The following SPATA16 variants were observed in gnomAD, a reference collection of about 807,000 sequenced individuals.
SPATA16 encodes spermatogenesis-associated protein 16.
A neutral mutation model predicts 63.3 loss-of-function variants in SPATA16; 36 were observed. That is an observed-to-expected ratio of 0.57 (90% CI 0.44 to 0.75). The LOEUF (loss-of-function observed/expected upper bound fraction) is 0.75. SPATA16 is among the 30% of genes least tolerant of loss of function. SPATA16 has a pLI of 0.00. For missense variants in SPATA16, 646 were observed against 679.3 expected (o/e 0.95, Z 0.54); for synonymous variants, 203 against 216.7 (o/e 0.94, Z 0.56).
At chr3:173,001,501 C>A (rs759358962) in intron 4 of SPATA16, among the ~76,000 whole-genome samples, 3 of 152,132 alleles carry the variant, frequency 2.0e-5, no homozygotes, top group Non-Finnish European at 4.4e-5. Flanking sequence ...TTATTCTGAT[C>A]TTTACCGTAA....
chr3:173,014,448 G>T (rs962304007), intron 4 of SPATA16, among the ~76,000 whole-genome samples: 2 of 152,200 alleles, frequency 1.3e-5, no homozygotes, highest in East Asian at 3.8e-4. Flanking sequence ...GGGAGAGAGG[G>T]AGGGGCGTAA....
chr3:173,097,071 T>C (rs1737376848), intron 2 of SPATA16, among the ~76,000 whole-genome samples: 1 of 152,134 alleles, frequency 6.6e-6, no homozygotes, highest in Admixed American at 6.6e-5. Context: ...TAAACATTTA[T>C]AAATTTTAAA....
At chr3:172,947,238 A>G (rs899456757) in intron 6 of SPATA16, among the ~76,000 whole-genome samples, 18 of 152,352 alleles carry the variant, frequency 1.2e-4, no homozygotes, top group African/African-American at 3.4e-4. Context: ...CCCAGAAAGG[A>G]TAGGTACAAA....
intron 2 of SPATA16, among the ~76,000 whole-genome samples, chr3:173,082,258 G>GAACAAA (rs1736941027): frequency 2.0e-5 from 3 of 152,156 alleles, no homozygotes; most frequent in African/African-American, 7.2e-5. Flanking sequence ...ATTAAACAAA[G>GAACAAA]TATGTTCTAT....
intron 3 of SPATA16, among the ~76,000 whole-genome samples, chr3:173,027,388 G>GC (rs1463719577): frequency 6.6e-6 from 1 of 151,742 alleles, no homozygotes; most frequent in African/African-American, 2.4e-5. Flanking sequence ...TTTCTTTCCA[G>GC]CCTATAACAT....
At chr3:173,024,166 T>A (rs928402094) in intron 3 of SPATA16, among the ~76,000 whole-genome samples, 14 of 151,734 alleles carry the variant, frequency 9.2e-5, no homozygotes, top group African/African-American at 3.4e-4. Context: ...CATGTATTTT[T>A]AAAAATATTT....
At position 173,108,894 on chromosome 3, in the gene SPATA16, A is replaced by G. The variant is rs933847733; in HGVS notation, c.612+8226T>C. On this transcript the variant is annotated intron_variant, in intron 2 of 10. Coordinates refer to ENST00000351008, the MANE Select transcript of SPATA16 (RefSeq NM_031955.6). ...GTATAGCCTAGGTGTGTAGTTGACT[A>G]TGCCATCTACGCTAGTGTAAGTGCA... Among the ~76,000 whole-genome samples, 8 of 152,204 alleles carry G rather than the reference A, an allele frequency of 5.3e-5. No homozygotes were observed. The East Asian group carries it at 1.2e-3, about 22-fold the overall frequency.
chr3:173,065,710 G>A (rs1192108328), intron 2 of SPATA16, among the ~76,000 whole-genome samples: 2 of 152,192 alleles, frequency 1.3e-5, no homozygotes, highest in Non-Finnish European at 2.9e-5. Flanking sequence ...GGAAAGTAAA[G>A]TGAGTGTGGG....
Position 172,932,781 on chromosome 3 carries a change from T to C in SPATA16, c.1082-7289A>G, listed in dbSNP as rs138945286. ...AGTCATATGTATACTATATAGATAATAAATTGTACAATAAATTATATTTCC... is the reference window on the plus strand; with the variant it reads ...AGTCATATGTATACTATATAGATAACAAATTGTACAATAAATTATATTTCC... On this transcript the variant is annotated intron_variant, in intron 6 of 10. Coordinates refer to ENST00000351008, the MANE Select transcript of SPATA16 (RefSeq NM_031955.6). 4.8e-4 allele frequency among the ~76,000 whole-genome samples: 73 copies of C among 152,256 alleles called. No individual in the cohort carries two copies. In the Middle Eastern group the frequency reaches 0.02, roughly 43 times the overall value.
intron 4 of SPATA16, among the ~76,000 whole-genome samples, chr3:172,981,505 C>T (rs553993215): frequency 2.6e-5 from 4 of 152,104 alleles, no homozygotes; most frequent in Non-Finnish European, 5.9e-5. Flanking sequence ...TCCTGCTGTC[C>T]CTCACAAAGA....
intron 4 of SPATA16, among the ~76,000 whole-genome samples, chr3:173,004,626 A>G (rs1734899232): frequency 6.6e-6 from 1 of 152,012 alleles, no homozygotes; most frequent in Non-Finnish European, 1.5e-5. Flanking sequence ...TACTCAACTC[A>G]TTTGGGTTTC....
rs1392301390 is a variant in SPATA16, at chr3:172,926,904, C to G, written c.1082-1412G>C. On this transcript the variant is annotated intron_variant, in intron 6 of 10. Transcript: ENST00000351008. ...GGTAAGCCCTCTTCGTTTAACACTG[C>G]CAGAAAGGGGGAAAGGCAAAATCCC... Among the ~76,000 whole-genome samples the G allele has an allele frequency of 2.0e-5, 3 of 152,226 alleles. No homozygotes were observed. In the East Asian group the frequency reaches 5.8e-4, roughly 29 times the overall value.
intron 2 of SPATA16, among the ~76,000 whole-genome samples, chr3:173,066,109 A>G (rs1736514563): frequency 6.6e-6 from 1 of 152,160 alleles, no homozygotes; most frequent in African/African-American, 2.4e-5. Context: ...ACTGTGCCTC[A>G]CAATTTCGAT....
chr3:173,009,211 A>C (rs998001507), intron 4 of SPATA16, among the ~76,000 whole-genome samples: 1 of 152,230 alleles, frequency 6.6e-6, no homozygotes. Context: ...GAGAGAAAAC[A>C]CTAAGCTCTT....
At chr3:173,022,171 T>C (rs1735347641) in intron 3 of SPATA16, among the ~76,000 whole-genome samples, 1 of 151,972 alleles carries the variant, frequency 6.6e-6, no homozygotes, top group Non-Finnish European at 1.5e-5. Context: ...GTGTGATTTA[T>C]AAAAAGATAG....
intron 5 of SPATA16, among the ~76,000 whole-genome samples, chr3:172,964,018 ACT>A (rs1733849324): frequency 6.6e-6 from 1 of 152,142 alleles, no homozygotes; most frequent in South Asian, 2.1e-4. Context: ...CTAGAATTTG[ACT>A]CTAGCACAAA....
At chr3:172,897,149 GTTTTC>G (rs1243521223) in intron 10 of SPATA16, among the ~76,000 whole-genome samples, 6 of 152,132 alleles carry the variant, frequency 3.9e-5, no homozygotes, top group African/African-American at 1.4e-4. Context: ...CTGTGTTTTA[GTTTTC>G]TTTTATTTTT....
chr3:172,900,783 G>T (rs139441968), intron 10 of SPATA16, among the ~76,000 whole-genome samples: 9,172 of 152,030 alleles, frequency 0.06, 424 homozygotes, highest in Admixed American at 0.11. Flanking sequence ...TGGGATTATA[G>T]GCACATGCCA....
intron 3 of SPATA16, among the ~76,000 whole-genome samples, chr3:173,042,803 T>A (rs1254326008): frequency 6.6e-6 from 1 of 152,178 alleles, no homozygotes; most frequent in Non-Finnish European, 1.5e-5. Context: ...TGGTTTAATT[T>A]CCAAGTATTT....
Sources: gnomAD v4.1 joint callset for allele counts (sites outside exome capture counted in the v4.1 genomes callset) on GRCh38, gnomAD v4.1.1 for gene constraint, MANE v1.5 for transcripts, NCBI Gene and HGNC (gene_info 2026-07-23, HGNC 2026-07-21) for gene names.